Variants in MACROD2 observed in about 807,000 individuals in gnomAD.
The protein encoded by MACROD2 is ADP-ribose glycohydrolase MACROD2.
MACROD2 carries 36 observed loss-of-function variants against 70.4 expected under a neutral mutation model. That is an observed-to-expected ratio of 0.51 (90% CI 0.39 to 0.68). The LOEUF (loss-of-function observed/expected upper bound fraction) is 0.68, where lower values mean the gene tolerates loss of function less well. Ranked by LOEUF, MACROD2 falls within the 30% of genes least tolerant of loss-of-function variation. The probability of loss-of-function intolerance (pLI) is 0.00; values close to 1 mark genes in which losing one functional copy is unlikely to be tolerated. For missense variants in MACROD2, 496 were observed against 538.4 expected, an observed-to-expected ratio of 0.92 and a Z score of 0.78; for synonymous variants, 172 against 178.8, an observed-to-expected ratio of 0.96 and a Z score of 0.30.
chr20:15,398,870 G>A (rs1306280997), intron 6 of MACROD2, among the ~76,000 whole-genome samples: 1 of 152,092 alleles, frequency 6.6e-6, no homozygotes, highest in African/African-American at 2.4e-5. Context: ...CCCAGGTTGT[G>A]CAGTGGTGTA....
intron 8 of MACROD2, among the ~76,000 whole-genome samples, chr20:15,836,580 G>A (rs2064116742): frequency 6.6e-6 from 1 of 152,138 alleles, no homozygotes; most frequent in Non-Finnish European, 1.5e-5. Flanking sequence ...TGAATACGCA[G>A]CTCAATTTTA....
At chr20:14,726,432 C>A (rs926998978) in intron 5 of MACROD2, among the ~76,000 whole-genome samples, 1 of 152,084 alleles carries the variant, frequency 6.6e-6, no homozygotes, top group East Asian at 1.9e-4. Flanking sequence ...ACGAATGAAG[C>A]GATTAGTGTC....
intron 2 of MACROD2, among the ~76,000 whole-genome samples, chr20:14,066,805 A>ATTTTTTTTT (rs34648174): frequency 1.9e-5 from 2 of 104,132 alleles, no homozygotes; most frequent in Non-Finnish European, 3.7e-5. Flanking sequence ...TGTTTTAGTG[A>ATTTTTTTTT]TTTTTTTTTT....
At chr20:15,522,284 A>C (rs1182902712) in intron 8 of MACROD2, among the ~76,000 whole-genome samples, 2 of 152,122 alleles carry the variant, frequency 1.3e-5, no homozygotes, top group Admixed American at 6.5e-5. Flanking sequence ...GATCATATGG[A>C]GGCTCAAAAT....
At chr20:14,228,356 G>C (rs936993720) in intron 3 of MACROD2, among the ~76,000 whole-genome samples, 16 of 91,576 alleles carry the variant, frequency 1.7e-4, no homozygotes, top group African/African-American at 8.2e-4. Flanking sequence ...TTTTTTTTTT[G>C]AGATGGAGTC....
At chr20:14,341,522 C>T (rs962175899) in intron 3 of MACROD2, among the ~76,000 whole-genome samples, 3 of 152,102 alleles carry the variant, frequency 2.0e-5, no homozygotes, top group African/African-American at 7.2e-5. Context: ...GCCTGTAATC[C>T]CAGCTACTTG....
At chr20:15,440,627 G>A (rs2046483236) in intron 7 of MACROD2, among the ~76,000 whole-genome samples, 1 of 152,176 alleles carries the variant, frequency 6.6e-6, no homozygotes, top group Non-Finnish European at 1.5e-5. Context: ...GCAATGCCAA[G>A]GGCATGCCCT....
intron 3 of MACROD2, among the ~76,000 whole-genome samples, chr20:14,205,276 C>T (rs1445324964): frequency 1.3e-5 from 2 of 152,144 alleles, no homozygotes; most frequent in African/African-American, 2.4e-5. Flanking sequence ...GGATGTTTTG[C>T]TCCTCAGCTC....
intron 10 of MACROD2, among the ~76,000 whole-genome samples, chr20:15,930,216 C>T (rs1331756543): frequency 6.6e-6 from 1 of 152,126 alleles, no homozygotes; most frequent in Non-Finnish European, 1.5e-5. Flanking sequence ...TATGTGCTTC[C>T]TGTGACGATA....
intron 5 of MACROD2, among the ~76,000 whole-genome samples, chr20:15,036,256 C>T (rs1275550250): frequency 2.0e-5 from 3 of 152,128 alleles, no homozygotes; most frequent in Admixed American, 1.3e-4. Context: ...GGAAAGAACA[C>T]TTGTAGAACT....
At chr20:15,176,420 A>C (rs556524365) in intron 5 of MACROD2, among the ~76,000 whole-genome samples, 2 of 152,064 alleles carry the variant, frequency 1.3e-5, no homozygotes, top group African/African-American at 2.4e-5. Context: ...GCCCATGGCC[A>C]CCTATGGACT....
intron 8 of MACROD2, among the ~76,000 whole-genome samples, chr20:15,657,321 A>G (rs2049746270): frequency 1.3e-5 from 2 of 152,228 alleles, no homozygotes; most frequent in Non-Finnish European, 2.9e-5. Context: ...GCCTTAGAGC[A>G]TAAGGCTAGC....
Position 14,900,642 on chromosome 20 carries a change from G to T in MACROD2, c.418+215683G>T, listed in dbSNP as rs144530134. Reference sequence around the variant, plus strand: ...GTAAAATCTTTTTTGTTTCTGCGAGGTCAGTAGTAATGTCCCCTCTTTAAT... The same window carrying T: ...GTAAAATCTTTTTTGTTTCTGCGAGTTCAGTAGTAATGTCCCCTCTTTAAT... On this transcript the variant is annotated intron_variant, in intron 5 of 17. Coordinates refer to ENST00000684519, the MANE Select transcript of MACROD2 (RefSeq NM_001351661.2). Among the ~76,000 whole-genome samples the T allele has an allele frequency of 2.6e-5, 4 of 151,802 alleles. No homozygotes were observed. In the South Asian group the frequency reaches 8.3e-4, roughly 32 times the overall value.
At chr20:14,682,495 C>CAT (rs1218975350) in intron 4 of MACROD2, among the ~76,000 whole-genome samples, 1 of 151,052 alleles carries the variant, frequency 6.6e-6, no homozygotes, top group South Asian at 2.1e-4. Flanking sequence ...ATATTCAGTA[C>CAT]ATATATATAT....
At chr20:14,328,589 C>T (rs535959413) in intron 3 of MACROD2, among the ~76,000 whole-genome samples, 2 of 152,104 alleles carry the variant, frequency 1.3e-5, no homozygotes, top group Admixed American at 6.6e-5. Flanking sequence ...CCTTATTGAA[C>T]GATGTGAGTA....
At chr20:14,239,288 G>A (rs2081908047) in intron 3 of MACROD2, among the ~76,000 whole-genome samples, 1 of 152,146 alleles carries the variant, frequency 6.6e-6, no homozygotes. Flanking sequence ...TGTTAACATG[G>A]CTGTACTGCC....
chr20:14,509,470 T>C (rs2085005473), intron 4 of MACROD2, among the ~76,000 whole-genome samples: 1 of 152,076 alleles, frequency 6.6e-6, no homozygotes, highest in Non-Finnish European at 1.5e-5. Context: ...GACTATATAT[T>C]TCCATAAAAG....
At chr20:15,374,448 C>T (rs924479714) in intron 6 of MACROD2, among the ~76,000 whole-genome samples, 9 of 152,122 alleles carry the variant, frequency 5.9e-5, no homozygotes, top group African/African-American at 2.2e-4. Flanking sequence ...TTCAACTACA[C>T]CAAGCCCACT....
At chr20:14,093,689 A>AT in intron 3 of MACROD2, among the ~76,000 whole-genome samples, 1 of 151,700 alleles carries the variant, frequency 6.6e-6, no homozygotes, top group South Asian at 2.1e-4. Flanking sequence ...AACCCCAAAA[A>AT]TAAACAAAAA....
Sources: allele counts gnomAD v4.1 joint callset (sites outside exome capture counted in the v4.1 genomes callset), GRCh38; gene constraint gnomAD v4.1.1; transcripts MANE v1.5; gene names NCBI Gene and HGNC (gene_info 2026-07-23, HGNC 2026-07-21).